CAMSAP2: variants seen among roughly 807,000 people sequenced by gnomAD.
CAMSAP2 encodes the protein calmodulin-regulated spectrin-associated protein 2.
In CAMSAP2, 26 loss-of-function variants were observed where a neutral mutation model predicts 146.1. The ratio of observed to expected loss-of-function variants is 0.18; its 90% CI spans 0.13 to 0.25. The LOEUF (loss-of-function observed/expected upper bound fraction) is 0.25, where lower values mean the gene tolerates loss of function less well. Ranked by LOEUF, CAMSAP2 falls within the 10% of genes least tolerant of loss-of-function variation. The pLI, the probability that CAMSAP2 is intolerant of heterozygous loss-of-function variation, is 1.00. For missense variants in CAMSAP2, 1,381 were observed against 1,759.3 expected (o/e 0.78, Z 3.85); for synonymous variants, 499 against 596.6 (o/e 0.84, Z 2.38).
chr1:200,779,653 T>C (rs747295417), intron 2 of CAMSAP2, among the ~76,000 whole-genome samples: 1 of 152,202 alleles, frequency 6.6e-6, no homozygotes, highest in Non-Finnish European at 1.5e-5. Flanking sequence ...CAGAAAATAC[T>C]GTGGAGGGTA....
In CAMSAP2 at chr1:200,795,620, C is replaced by T. The variant is rs190146903; in HGVS notation, c.400-11756C>T. Among the ~76,000 whole-genome samples the T allele has an allele frequency of 3.3e-5, 5 of 152,120 alleles. No homozygotes were observed. The East Asian group carries it at 7.7e-4, about 23-fold the overall frequency. ...ATATCTTTCATCTGTCTGGGCCTTG[C>T]GTTTCAATAGATATTTGAGCTATAC... On this transcript the variant is annotated intron_variant, in intron 2 of 16. Coordinates refer to ENST00000358823, the MANE Select transcript of CAMSAP2 (RefSeq NM_203459.4).
intron 2 of CAMSAP2, among the ~76,000 whole-genome samples, chr1:200,787,239 C>T (rs1473007324): frequency 1.3e-5 from 2 of 152,132 alleles, no homozygotes; most frequent in African/African-American, 4.8e-5. Context: ...ATAGTGATTC[C>T]TCTGTTGGAT....
chr1:200,743,537 A>G (rs576515260), intron 1 of CAMSAP2, among the ~76,000 whole-genome samples: 1 of 152,214 alleles, frequency 6.6e-6, no homozygotes, highest in South Asian at 2.1e-4. Flanking sequence ...TGGGCAAAAG[A>G]TAAGGTCCTG....
At chr1:200,847,507 C>A in intron 9 of CAMSAP2, 133 bp from the exon 10 acceptor site, 1 of 789,786 alleles carries the variant, frequency 1.3e-6, no homozygotes, top group Non-Finnish European at 2.1e-6. Flanking sequence ...ATAAAATTAT[C>A]TCTAATTCTC....
intron 2 of CAMSAP2, among the ~76,000 whole-genome samples, chr1:200,782,218 A>C (rs1357056853): frequency 6.6e-6 from 1 of 152,178 alleles, no homozygotes; most frequent in East Asian, 1.9e-4. Context: ...GTAAGAAATG[A>C]AGTATTATCC....
intron 1 of CAMSAP2, among the ~76,000 whole-genome samples, chr1:200,751,535 CAAAAAAAAAA>C (rs35294926): frequency 4.3e-4 from 18 of 41,608 alleles, no homozygotes; most frequent in Non-Finnish European, 6.9e-4. Flanking sequence ...GACTCCATCT[CAAAAAAAAAA>C]AAAAAAAAAA....
chr1:200,851,398 T>C (rs1667615199), intron 11 of CAMSAP2, among the ~76,000 whole-genome samples: 1 of 152,116 alleles, frequency 6.6e-6, no homozygotes, highest in Non-Finnish European at 1.5e-5. Flanking sequence ...TTTCTCCACG[T>C]TGGTCAGGCT....
rs770765892 is a variant in CAMSAP2 at position 200,847,303 on chromosome 1, T to G, written c.1192+11T>G. On this transcript the variant is annotated intron_variant, in intron 9 of 16. Coordinates refer to ENST00000358823, the MANE Select transcript of CAMSAP2 (RefSeq NM_203459.4). ...ATTCTTCAGCCTCAGGTAATATATT[T>G]GAAAAAGCCTAGGAAAATACTCTTT... 2 of 1,578,326 alleles carry G rather than the reference T, an allele frequency of 1.3e-6. No individual in the cohort carries two copies. Among genetic ancestry groups the G allele is most frequent in the South Asian group, 2.3e-5 (2 of 88,398 alleles).
intron 4 of CAMSAP2, among the ~76,000 whole-genome samples, chr1:200,830,144 G>A (rs1667005905): frequency 6.6e-6 from 1 of 152,220 alleles, no homozygotes; most frequent in Non-Finnish European, 1.5e-5. Flanking sequence ...AACTGCGGAT[G>A]AACCTTCTGA....
intron 4 of CAMSAP2, among the ~76,000 whole-genome samples, chr1:200,816,673 T>G (rs1406498478): frequency 6.9e-6 from 1 of 144,740 alleles, no homozygotes; most frequent in Non-Finnish European, 1.5e-5. Flanking sequence ...CACATGTGTA[T>G]ATGTGTGTAT....
chr1:200,790,823 T>C (rs779529435), intron 2 of CAMSAP2, among the ~76,000 whole-genome samples: 1 of 152,190 alleles, frequency 6.6e-6, no homozygotes, highest in African/African-American at 2.4e-5. Context: ...TCAATAAACA[T>C]TGAGAAAAGT....
intron 11 of CAMSAP2, among the ~76,000 whole-genome samples, chr1:200,851,024 A>G (rs1239168492): frequency 6.6e-6 from 1 of 152,160 alleles, no homozygotes; most frequent in East Asian, 1.9e-4. Context: ...CTTCATCTAA[A>G]GCCTTTTATA....
chr1:200,757,234 A>C (rs549772577), intron 1 of CAMSAP2, among the ~76,000 whole-genome samples: 1 of 152,280 alleles, frequency 6.6e-6, no homozygotes, highest in African/African-American at 2.4e-5. Flanking sequence ...TATTGCTTTT[A>C]ATAAATCTGT....
chr1:200,744,901 A>G (rs1005373602), intron 1 of CAMSAP2, among the ~76,000 whole-genome samples: 3 of 152,114 alleles, frequency 2.0e-5, no homozygotes, highest in Admixed American at 2.0e-4. Context: ...TGAAAGACAA[A>G]CGGACAGAAT....
chr1:200,815,703 T>TACA, intron 4 of CAMSAP2, 59 bp downstream of exon 4: 1 of 832,746 alleles, frequency 1.2e-6, no homozygotes, highest in Non-Finnish European at 1.8e-6. Context: ...TTCACATATT[T>TACA]GTATTATTTT....
chr1:200,832,493 T>TA lies in CAMSAP2; in HGVS notation c.787+157dup, dbSNP rs1232129741. 1.3e-5 allele frequency: 11 copies of TA among 820,804 alleles called. No homozygotes were observed. Among genetic ancestry groups the TA allele is most frequent in the Non-Finnish European group, 1.9e-5 (11 of 571,078 alleles). The allele number at this position is 820,804 out of a possible 1,614,324, so 50.8% of individuals were successfully genotyped here. ...TTAATAAGTACTGAAGACTTTTTTT[T>TA]AAAAATAAAGAACATTTATATATAA... is the stretch of plus-strand genomic sequence containing the variant. On this transcript the variant is annotated intron_variant, in intron 5 of 16. Transcript: ENST00000358823. The surrounding 1 kb of genome is among the most constrained non-coding windows in gnomAD (Gnocchi z 4.2).
At chr1:200,794,305 A>G (rs1211503492) in intron 2 of CAMSAP2, among the ~76,000 whole-genome samples, 1 of 152,250 alleles carries the variant, frequency 6.6e-6, no homozygotes, top group Admixed American at 6.5e-5. Flanking sequence ...TTCAGTAAGT[A>G]CAATAGACCC....
rs1177990834 is a variant in CAMSAP2, at chr1:200,860,283, C to G, written c.*2224C>G. On this transcript the variant is annotated 3_prime_UTR_variant, in exon 17 of 17. Coordinates refer to ENST00000358823, the MANE Select transcript of CAMSAP2 (RefSeq NM_203459.4). ...TGAAAAATATGCCATTTCATAAAGTCTGAGGATTTTCGTCAACCTTACTGA... is the reference window on the plus strand; with the variant it reads ...TGAAAAATATGCCATTTCATAAAGTGTGAGGATTTTCGTCAACCTTACTGA... 1 of 152,534 alleles carries G rather than the reference C, an allele frequency of 6.6e-6. No individual in the cohort carries two copies. Among genetic ancestry groups the G allele is most frequent in the Non-Finnish European group, 1.5e-5 (1 of 67,968 alleles). The allele number at this position is 152,534 out of a possible 1,614,324, so 9.4% of individuals were successfully genotyped here. A position where few individuals can be genotyped will look rare whatever the true frequency, so the allele number is the denominator to read the frequency against.
chr1:200,829,104 G>A (rs917805590), intron 4 of CAMSAP2, among the ~76,000 whole-genome samples: 5 of 152,248 alleles, frequency 3.3e-5, no homozygotes, highest in South Asian at 4.2e-4. Context: ...GCAGTGAGCC[G>A]AGATCGCGCC....
Sources: allele counts gnomAD v4.1 joint callset (sites outside exome capture counted in the v4.1 genomes callset), GRCh38; gene constraint gnomAD v4.1.1; non-coding constraint Gnocchi (gnomAD v3.1); transcripts MANE v1.5; gene names NCBI Gene and HGNC (gene_info 2026-07-23, HGNC 2026-07-21).